The following ULK2 variants were observed in gnomAD, a reference collection of about 807,000 sequenced individuals.
ULK2 encodes the protein serine/threonine-protein kinase ULK2.
In ULK2, 76 loss-of-function variants were observed where a neutral mutation model predicts 127.5. That is an observed-to-expected ratio of 0.60 (90% CI 0.50 to 0.72). The LOEUF (loss-of-function observed/expected upper bound fraction) is 0.72, where lower values mean the gene tolerates loss of function less well. Ranked by LOEUF, ULK2 falls within the 30% of genes least tolerant of loss-of-function variation. The pLI is 0.00. For missense variants in ULK2, 1,144 were observed against 1,295.9 expected (o/e 0.88, Z 1.80); for synonymous variants, 452 against 461.9 (o/e 0.98, Z 0.28).
At chr17:19,813,820 TAC>T (rs757162447) in intron 13 of ULK2, among the ~76,000 whole-genome samples, 312 of 152,268 alleles carry the variant, frequency 2.0e-3, no homozygotes, top group Non-Finnish European at 3.5e-3. Context: ...AGTGGAGAAA[TAC>T]ACATTCATAA....
At chr17:19,827,910 CAAA>C (rs777107343) in intron 10 of ULK2, among the ~76,000 whole-genome samples, 4 of 92,320 alleles carry the variant, frequency 4.3e-5, no homozygotes, top group Admixed American at 2.4e-4. Context: ...AACTCTGTCT[CAAA>C]AAAAAAAAAA....
chr17:19,824,840 G>A (rs1352318849), intron 12 of ULK2, among the ~76,000 whole-genome samples: 1 of 152,212 alleles, frequency 6.6e-6, no homozygotes, highest in African/African-American at 2.4e-5. Flanking sequence ...GAAGGTGATA[G>A]TGCTATACTC....
rs113348382 is a variant in ULK2, at chr17:19,828,992, C to T, written c.788-2806G>A. On this transcript the variant is annotated intron_variant, in intron 10 of 26. Transcript: ENST00000395544. ...CTGAAGTGAGAGGATCGCCTGAACTCGGGACACAGAGGTTGCAGTGAGCTG... is the reference window on the plus strand; with the variant it reads ...CTGAAGTGAGAGGATCGCCTGAACTTGGGACACAGAGGTTGCAGTGAGCTG... Among the ~76,000 whole-genome samples the T allele has an allele frequency of 6.2e-3, 944 of 152,102 alleles. 11 individuals carry two copies. Among genetic ancestry groups the T allele is most frequent in the African/African-American group, 0.021 (873 of 41,486 alleles).
At chr17:19,851,156 T>C (rs948641600) in intron 3 of ULK2, among the ~76,000 whole-genome samples, 4 of 92,908 alleles carry the variant, frequency 4.3e-5, no homozygotes, top group Admixed American at 3.3e-4. Flanking sequence ...CTAATAAAAA[T>C]ACCAAAAAAA....
intron 17 of ULK2, 34 bp from the exon 18 acceptor site, chr17:19,797,716 G>A (rs2152385678): frequency 1.4e-6 from 2 of 1,439,572 alleles, no homozygotes; most frequent in Non-Finnish European, 1.8e-6. Context: ...TTAACCTGAA[G>A]TGAAGAAGTG....
chr17:19,774,613 G>C lies in ULK2; in HGVS notation c.*1736C>G, dbSNP rs2152380016. On this transcript the variant is annotated 3_prime_UTR_variant, in exon 27 of 27. Transcript: ENST00000395544. Reference sequence around the variant, plus strand: ...GGAGGTAAAACAGTCTATGTTCCTGGAAGCCTGCATGACAGTAGCCAAGAT... The same window carrying C: ...GGAGGTAAAACAGTCTATGTTCCTGCAAGCCTGCATGACAGTAGCCAAGAT... The C allele has an allele frequency of 6.6e-6, 1 of 152,278 alleles. No individual in the cohort carries two copies. The highest frequency in any genetic ancestry group is 3.4e-3 in the Middle Eastern group (1 of 294). The allele number at this position is 152,278 out of a possible 1,614,324, so 9.4% of individuals were successfully genotyped here. A position where few individuals can be genotyped will look rare whatever the true frequency, so the allele number is the denominator to read the frequency against.
At chr17:19,846,945 C>T in intron 5 of ULK2, 35 bp from the exon 6 acceptor site, 2 of 1,566,196 alleles carry the variant, frequency 1.3e-6, no homozygotes, top group Non-Finnish European at 1.7e-6. Flanking sequence ...TATTTAAGCA[C>T]ACAAAATCAA....
intron 10 of ULK2, among the ~76,000 whole-genome samples, chr17:19,829,548 A>AAGGTG (rs531835867): frequency 2.0e-4 from 5 of 25,510 alleles, no homozygotes; most frequent in East Asian, 5.5e-4. Context: ...GAAAAAAAAA[A>AAGGTG]GGGGGGGGGC....
intron 3 of ULK2, among the ~76,000 whole-genome samples, chr17:19,859,467 T>C (rs1006353987): frequency 3.3e-5 from 5 of 152,200 alleles, no homozygotes; most frequent in African/African-American, 1.2e-4. Context: ...TGCAGTGAGC[T>C]GAGACTGTCG....
At chr17:19,808,301 C>T (rs1049617461) in intron 14 of ULK2, among the ~76,000 whole-genome samples, 3 of 152,108 alleles carry the variant, frequency 2.0e-5, no homozygotes, top group Admixed American at 2.0e-4. Flanking sequence ...AAGGCCTGAA[C>T]ATTATACCCA....
At chr17:19,811,427 A>G (rs2087637141) in intron 13 of ULK2, among the ~76,000 whole-genome samples, 1 of 152,016 alleles carries the variant, frequency 6.6e-6, no homozygotes, top group Non-Finnish European at 1.5e-5. Context: ...AATTATTTCA[A>G]GTAACTTTTT....
chr17:19,843,853 T>G (rs2041822090), intron 7 of ULK2, among the ~76,000 whole-genome samples: 1 of 151,724 alleles, frequency 6.6e-6, no homozygotes, highest in Non-Finnish European at 1.5e-5. Context: ...AGAGACAAGG[T>G]TTCACCATGT....
At chr17:19,780,783 T>G (rs1435166108) in intron 24 of ULK2, among the ~76,000 whole-genome samples, 154 bp from the exon 25 acceptor site, 5 of 152,198 alleles carry the variant, frequency 3.3e-5, no homozygotes, top group Non-Finnish European at 7.3e-5. Flanking sequence ...GTTATCTCTT[T>G]CAATATGAAA....
intron 13 of ULK2, among the ~76,000 whole-genome samples, chr17:19,812,442 T>A (rs157409): frequency 0.94 from 143,809 of 152,274 alleles, 68,076 homozygotes; most frequent in Non-Finnish European, 0.97. Flanking sequence ...GTCAAAATGC[T>A]TTTAATACAC....
At chr17:19,832,520 T>A (rs1005325265) in intron 10 of ULK2, among the ~76,000 whole-genome samples, 4 of 152,092 alleles carry the variant, frequency 2.6e-5, no homozygotes, top group Admixed American at 2.6e-4. Context: ...CATCTCGGCC[T>A]CCCAAAGCGC....
At chr17:19,841,690 A>C (rs1440805667) in intron 8 of ULK2, 143 bp from the exon 9 acceptor site, 1 of 592,746 alleles carries the variant, frequency 1.7e-6, no homozygotes, top group Non-Finnish European at 2.9e-6. Flanking sequence ...AAAGGAGGGA[A>C]AGTATGAGGG....
At chr17:19,844,762 A>AT (rs1283323935) in intron 7 of ULK2, among the ~76,000 whole-genome samples, 3 of 152,290 alleles carry the variant, frequency 2.0e-5, no homozygotes, top group Middle Eastern at 6.8e-3. Flanking sequence ...GAATTAAGGT[A>AT]TTTCCAGACT....
intron 3 of ULK2, among the ~76,000 whole-genome samples, chr17:19,854,180 AAGG>A (rs1369116852): frequency 1.3e-5 from 2 of 151,764 alleles, no homozygotes; most frequent in Non-Finnish European, 2.9e-5. Context: ...CGGAAGGCTG[AAGG>A]AGGAGAACTG....
chr17:19,814,377 G>A (rs1396533391), intron 13 of ULK2, among the ~76,000 whole-genome samples: 1 of 141,944 alleles, frequency 7.0e-6, no homozygotes, highest in Non-Finnish European at 1.5e-5. Flanking sequence ...AAGAAATTCT[G>A]GGACATGTAC....
Sources: gnomAD v4.1 joint callset for allele counts (sites outside exome capture counted in the v4.1 genomes callset) on GRCh38, gnomAD v4.1.1 for gene constraint, MANE v1.5 for transcripts, NCBI Gene and HGNC (gene_info 2026-07-23, HGNC 2026-07-21) for gene names.